PTPRD: variants seen among roughly 807,000 people sequenced by gnomAD.
The protein encoded by PTPRD is receptor-type tyrosine-protein phosphatase delta.
PTPRD carries 34 observed loss-of-function variants against 214.5 expected under a neutral mutation model. The ratio of observed to expected loss-of-function variants is 0.16; its 90% CI spans 0.12 to 0.21. PTPRD has a LOEUF of 0.21. Among genes scored for constraint, PTPRD ranks in the 10% least tolerant of loss-of-function variants. The pLI, the probability that PTPRD is intolerant of heterozygous loss-of-function variation, is 1.00. For missense variants in PTPRD, 2,545 were observed against 2,398.7 expected, an observed-to-expected ratio of 1.06 and a Z score of -1.27; for synonymous variants, 1,128 against 845.7, an observed-to-expected ratio of 1.33 and a Z score of -5.79.
chr9:8,917,570 C>G (rs766817861), intron 11 of PTPRD, among the ~76,000 whole-genome samples: 2 of 152,100 alleles, frequency 1.3e-5, no homozygotes, highest in Non-Finnish European at 2.9e-5. Flanking sequence ...TCTCTGGTTT[C>G]TTTTTACTTT....
chr9:8,330,216 A>T (rs1365287818), intron 44 of PTPRD, among the ~76,000 whole-genome samples: 4 of 152,040 alleles, frequency 2.6e-5, no homozygotes, highest in Non-Finnish European at 5.9e-5. Context: ...CCACTGTCCA[A>T]CCAGTCCCAA....
chr9:9,448,309 G>T (rs1470493236), intron 8 of PTPRD, among the ~76,000 whole-genome samples: 1 of 152,044 alleles, frequency 6.6e-6, no homozygotes, highest in Non-Finnish European at 1.5e-5. Flanking sequence ...CGAGGAGGGA[G>T]GGACCTGTAA....
chr9:10,115,230 T>C (rs1800368221), intron 3 of PTPRD, among the ~76,000 whole-genome samples: 1 of 152,008 alleles, frequency 6.6e-6, no homozygotes, highest in South Asian at 2.1e-4. Context: ...ATATGAAAAT[T>C]ACAATCAAGT....
At chr9:10,459,659 G>C (rs950849491) in intron 2 of PTPRD, among the ~76,000 whole-genome samples, 2 of 151,950 alleles carry the variant, frequency 1.3e-5, no homozygotes, top group South Asian at 2.1e-4. Flanking sequence ...CCGTGATGAA[G>C]AGCTTTTTTT....
chr9:10,505,126 G>A (rs1349901973), intron 2 of PTPRD, among the ~76,000 whole-genome samples: 1 of 152,168 alleles, frequency 6.6e-6, no homozygotes, highest in Non-Finnish European at 1.5e-5. Context: ...TCAAGTTCGG[G>A]TAGCAAGTAA....
At chr9:9,923,496 G>T (rs970568935) in intron 5 of PTPRD, among the ~76,000 whole-genome samples, 1 of 150,208 alleles carries the variant, frequency 6.7e-6, no homozygotes, top group South Asian at 2.1e-4. Flanking sequence ...CAAAAAAATC[G>T]ATCTCCAAAC....
At chr9:8,533,694 G>C (rs548485181) in intron 14 of PTPRD, among the ~76,000 whole-genome samples, 1 of 152,078 alleles carries the variant, frequency 6.6e-6, no homozygotes, top group East Asian at 1.9e-4. Flanking sequence ...CGTAATAATA[G>C]TTAGTATGTA....
rs546554872 is a variant in PTPRD, at chr9:10,153,332, A to G, written c.-544-119542T>C. 2.6e-5 allele frequency among the ~76,000 whole-genome samples: 4 copies of G among 151,854 alleles called. 1 individual carries two copies. Among genetic ancestry groups the G allele is most frequent in the African/African-American group, 7.2e-5 (3 of 41,552 alleles). ...ATATTTTTAAAAATGTATTTTAAAT[A>G]GCAGAAATTTTTATTTTGATAAAGA... On this transcript the variant is annotated intron_variant, in intron 3 of 45. Coordinates refer to ENST00000381196, the MANE Select transcript of PTPRD (RefSeq NM_002839.4).
In PTPRD at chr9:9,950,042, C is replaced by A. The variant is rs560969385; in HGVS notation, c.-471-11432G>T. ...CATAAAGTCTCTTAGTTATTCTTAA[C>A]GTACCATCATAGTCCAGCCCATAGA... On this transcript the variant is annotated intron_variant, in intron 4 of 45. Transcript: ENST00000381196. Among the ~76,000 whole-genome samples, 4 of 152,270 alleles carry A rather than the reference C, an allele frequency of 2.6e-5. No individual in the cohort carries two copies. In the South Asian group the frequency reaches 8.3e-4, roughly 32 times the overall value.
chr9:8,602,310 C>T (rs995354174), intron 14 of PTPRD, among the ~76,000 whole-genome samples: 1 of 152,158 alleles, frequency 6.6e-6, no homozygotes, highest in Non-Finnish European at 1.5e-5. Flanking sequence ...ATACACCTTC[C>T]TCATTGCCCA....
chr9:9,317,034 G>A (rs1197749579), intron 9 of PTPRD, among the ~76,000 whole-genome samples: 1 of 151,924 alleles, frequency 6.6e-6, no homozygotes, highest in Non-Finnish European at 1.5e-5. Flanking sequence ...AGTGTTCTCT[G>A]GTCTTTTTTA....
chr9:9,672,776 T>C (rs766893011), intron 7 of PTPRD, among the ~76,000 whole-genome samples: 21 of 152,198 alleles, frequency 1.4e-4, no homozygotes, highest in Middle Eastern at 3.4e-3. Flanking sequence ...TATGACTGTA[T>C]AGCTAGTAAA....
At chr9:8,961,803 G>T (rs748031571) in intron 11 of PTPRD, among the ~76,000 whole-genome samples, 2 of 152,030 alleles carry the variant, frequency 1.3e-5, no homozygotes, top group African/African-American at 2.4e-5. Flanking sequence ...TTGAAACACA[G>T]AATCCAGGAC....
intron 9 of PTPRD, among the ~76,000 whole-genome samples, chr9:9,390,246 G>A (rs2065336403): frequency 6.6e-6 from 1 of 152,274 alleles, no homozygotes; most frequent in South Asian, 2.1e-4. Flanking sequence ...TAGGTGATGG[G>A]CAACTTTGAA....
chr9:9,768,175 T>A (rs2098721677), intron 5 of PTPRD, among the ~76,000 whole-genome samples: 1 of 152,154 alleles, frequency 6.6e-6, no homozygotes, highest in African/African-American at 2.4e-5. Flanking sequence ...TTTATTTGAA[T>A]CTTGGTTCCT....
intron 11 of PTPRD, among the ~76,000 whole-genome samples, chr9:8,858,796 A>AACACAC (rs71317379): frequency 0.081 from 11,541 of 141,666 alleles, 560 homozygotes; most frequent in Non-Finnish European, 0.1. Flanking sequence ...TGAAGGAGGC[A>AACACAC]ACACACACAC....
chr9:9,244,034 C>T (rs142270886), intron 9 of PTPRD, among the ~76,000 whole-genome samples: 2 of 152,136 alleles, frequency 1.3e-5, no homozygotes, highest in African/African-American at 2.4e-5. Flanking sequence ...CTCCCATTCA[C>T]AATTGCTTCA....
intron 10 of PTPRD, among the ~76,000 whole-genome samples, chr9:9,034,713 G>T (rs1473671036): frequency 6.6e-6 from 1 of 152,052 alleles, no homozygotes; most frequent in East Asian, 1.9e-4. Flanking sequence ...TACTAGCTCT[G>T]TGTCCAGAGG....
chr9:9,585,017 G>T (rs772917900), intron 7 of PTPRD, among the ~76,000 whole-genome samples: 13 of 151,916 alleles, frequency 8.6e-5, no homozygotes, highest in Non-Finnish European at 1.9e-4. Flanking sequence ...AAAATTTACA[G>T]CACACAGAAG....
Sources: gnomAD v4.1 joint callset for allele counts (sites outside exome capture counted in the v4.1 genomes callset) on GRCh38, gnomAD v4.1.1 for gene constraint, MANE v1.5 for transcripts, NCBI Gene and HGNC (gene_info 2026-07-23, HGNC 2026-07-21) for gene names.